DBNL: variants seen among roughly 807,000 people sequenced by gnomAD.
DBNL encodes the protein drebrin like.
DBNL carries 35 observed loss-of-function variants against 62.2 expected under a neutral mutation model. That is an observed-to-expected ratio of 0.56 (90% CI 0.43 to 0.75). The LOEUF (loss-of-function observed/expected upper bound fraction) is 0.75. Among genes scored for constraint, DBNL ranks in the 30% least tolerant of loss-of-function variants. The pLI is 0.00. For missense variants in DBNL, 495 were observed against 578.4 expected, an observed-to-expected ratio of 0.86 and a Z score of 1.48; for synonymous variants, 197 against 218.0, an observed-to-expected ratio of 0.90 and a Z score of 0.85.
At position 44,062,631 on chromosome 7, in the gene DBNL, A is replaced by T; in HGVS notation, c.*1715A>T. On this transcript the variant is annotated 3_prime_UTR_variant, in exon 13 of 13. Transcript: ENST00000448521. The stretch of plus-strand genomic sequence containing the variant: ...CCTGCCCCTGGTGACACACGTATGG[A>T]GTGGGGGAGGGTGGGTGGCTGCACC... The T allele has an allele frequency of 1.2e-6, 1 of 864,084 alleles. No homozygotes were observed. The highest frequency in any genetic ancestry group is 1.9e-6 in the Non-Finnish European group (1 of 537,134). The allele number at this position is 864,084 out of a possible 1,614,324, so 53.5% of individuals were successfully genotyped here.
rs1344814689 is a variant in DBNL, at chr7:44,059,096, G to T, written c.835+113G>T. On this transcript the variant is annotated intron_variant, in intron 9 of 12. Transcript: ENST00000448521. This position sits in a 1 kb window ranked among gnomAD's most constrained non-coding sequence, Gnocchi z 4.1. ...ACAGATATATCGGTGACGGGTGAGT[G>T]AGTGAGGAGAAGGGACACCTGGGGC... 3.3e-6 allele frequency: 4 copies of T among 1,196,924 alleles called. No homozygotes were observed. The highest frequency in any genetic ancestry group is 1.5e-5 in the African/African-American group (1 of 66,348). The allele number at this position is 1,196,924 out of a possible 1,614,324, so 74.1% of individuals were successfully genotyped here.
chr7:44,065,233 G>A lies in DBNL; in HGVS notation c.*4317G>A, dbSNP rs1586001974. ...CGTGCTTGGCGGCCGTTTCTGCCTT[G>A]TTGAGGCCTGTGAGGCCCCCGTAAT... On this transcript the variant is annotated 3_prime_UTR_variant, in exon 13 of 13. Coordinates refer to ENST00000448521, the MANE Select transcript of DBNL (RefSeq NM_001014436.3). The A allele has an allele frequency of 6.2e-7, 1 of 1,613,982 alleles. No homozygotes were observed. Among genetic ancestry groups the A allele is most frequent in the South Asian group, 1.1e-5 (1 of 91,086 alleles).
intron 1 of DBNL, among the ~76,000 whole-genome samples, chr7:44,048,243 G>A (rs2096120732): frequency 1.3e-5 from 2 of 152,242 alleles, no homozygotes; most frequent in South Asian, 2.1e-4. Flanking sequence ...GCTGGGTTGA[G>A]CTGCCATCTT....
In DBNL at chr7:44,068,686, C is replaced by T. The variant is rs1332581877; in HGVS notation, c.*7770C>T. Reference sequence around the variant, plus strand: ...AGACTTCAAAGCAGCTATTTATAACCAGCCTTCAGAAAGTATTGGTGAATA... The same window carrying T: ...AGACTTCAAAGCAGCTATTTATAACTAGCCTTCAGAAAGTATTGGTGAATA... On this transcript the variant is annotated 3_prime_UTR_variant, in exon 13 of 13. Transcript: ENST00000448521. 1 of 152,168 alleles carries T rather than the reference C, an allele frequency of 6.6e-6. No homozygotes were observed. The highest frequency in any genetic ancestry group is 1.5e-5 in the Non-Finnish European group (1 of 68,038). The allele number at this position is 152,168 out of a possible 1,614,324, so 9.4% of individuals were successfully genotyped here.
intron 1 of DBNL, chr7:44,049,766 C>T (rs1182646145): frequency 6.4e-6 from 1 of 156,720 alleles, no homozygotes; most frequent in Non-Finnish European, 1.4e-5. Flanking sequence ...GGGCAGCCTT[C>T]CAAGGGGCCC....
chr7:44,062,989 G>C lies in DBNL; in HGVS notation c.*2073G>C, dbSNP rs1471686177. ...CTGTCCCCAGCCTGTTTACACAGCAGACACTATGTGACCTTTATGGTCCAC... is the reference window on the plus strand; with the variant it reads ...CTGTCCCCAGCCTGTTTACACAGCACACACTATGTGACCTTTATGGTCCAC... On this transcript the variant is annotated 3_prime_UTR_variant, in exon 13 of 13. Coordinates refer to ENST00000448521, the MANE Select transcript of DBNL (RefSeq NM_001014436.3). 3.2e-6 allele frequency: 5 copies of C among 1,554,226 alleles called. No homozygotes were observed. Among genetic ancestry groups the C allele is most frequent in the Non-Finnish European group, 3.6e-6 (4 of 1,125,752 alleles).
rs989223667 is a variant in DBNL, at chr7:44,065,534, G to A, written c.*4618G>A. 34 of 1,613,504 alleles carry A rather than the reference G, an allele frequency of 2.1e-5. No homozygotes were observed. The highest frequency in any genetic ancestry group is 2.9e-5 in the Non-Finnish European group (34 of 1,179,916). ...CACGAGGCGGTGAGTGGCCATGGTG[G>A]CAGCAGGGACCACAGAGGACTCTGG... On this transcript the variant is annotated 3_prime_UTR_variant, in exon 13 of 13. Transcript: ENST00000448521.
rs1417327391 is a variant in DBNL at position 44,069,189 on chromosome 7, CTT to C, written c.*8275_*8276del. ...AGAGATTACTGGGGGCAATTCAAAA[CTT>C]TGGGAATGCAGGAAGAACATCATAA... On this transcript the variant is annotated 3_prime_UTR_variant, in exon 13 of 13. Transcript: ENST00000448521. 1 of 152,206 alleles carries C rather than the reference CTT, an allele frequency of 6.6e-6. No individual in the cohort carries two copies. The highest frequency in any genetic ancestry group is 1.5e-5 in the Non-Finnish European group (1 of 68,032). 9.4% of individuals were successfully genotyped at this position (152,206 alleles called of 1,614,324 possible). A position where few individuals can be genotyped will look rare whatever the true frequency, so the allele number is the denominator to read the frequency against.
In DBNL at chr7:44,065,224, T is replaced by A. The variant is rs1315042365; in HGVS notation, c.*4308T>A. 2 of 1,613,886 alleles carry A rather than the reference T, an allele frequency of 1.2e-6. No individual in the cohort carries two copies. The highest frequency in any genetic ancestry group is 2.7e-5 in the African/African-American group (2 of 74,952). Reference sequence around the variant, plus strand: ...GCTCCTCCCCGTGCTTGGCGGCCGTTTCTGCCTTGTTGAGGCCTGTGAGGC... The same window carrying A: ...GCTCCTCCCCGTGCTTGGCGGCCGTATCTGCCTTGTTGAGGCCTGTGAGGC... On this transcript the variant is annotated 3_prime_UTR_variant, in exon 13 of 13. Transcript: ENST00000448521.
intron 1 of DBNL, among the ~76,000 whole-genome samples, chr7:44,045,656 G>T (rs2096115995): frequency 6.6e-6 from 1 of 152,250 alleles, no homozygotes; most frequent in Non-Finnish European, 1.5e-5. Context: ...ACTGTGGTCA[G>T]CACTGAGGCC....
chr7:44,056,658 G>C, intron 4 of DBNL, 99 bp from the exon 5 acceptor site: 1 of 1,486,314 alleles, frequency 6.7e-7, no homozygotes, highest in Non-Finnish European at 9.1e-7. Context: ...TTCCAGTCCT[G>C]TGTGGTATAG....
rs527289410 is a variant in DBNL at position 44,062,194 on chromosome 7, C to T, written c.*1278C>T. 45 of 173,122 alleles carry T rather than the reference C, an allele frequency of 2.6e-4. No homozygotes were observed. Among genetic ancestry groups the T allele is most frequent in the Non-Finnish European group, 4.4e-4 (35 of 78,760 alleles). The allele number at this position is 173,122 out of a possible 1,614,324, so 10.7% of individuals were successfully genotyped here. A position where few individuals can be genotyped will look rare whatever the true frequency, so the allele number is the denominator to read the frequency against. On this transcript the variant is annotated 3_prime_UTR_variant, in exon 13 of 13. Coordinates refer to ENST00000448521, the MANE Select transcript of DBNL (RefSeq NM_001014436.3). The stretch of plus-strand genomic sequence containing the variant: ...CCTGTGCTCAGGCCTCTCCCCTTTT[C>T]GCCAGGGCTTCCTGGTGCCTCTCCC...
intron 1 of DBNL, among the ~76,000 whole-genome samples, chr7:44,049,052 A>G (rs1314891468): frequency 6.6e-6 from 1 of 151,916 alleles, no homozygotes; most frequent in Non-Finnish European, 1.5e-5. Context: ...ACAGGGTCCC[A>G]CCATGTTGCC....
Position 44,051,833 on chromosome 7 carries a change from G to GCTCTGTGC in DBNL, c.143_144insCTCTGTGC (p.Gly49SerfsTer17). 1 of 1,614,122 alleles carries GCTCTGTGC rather than the reference G, an allele frequency of 6.2e-7. No homozygotes were observed. The highest frequency in any genetic ancestry group is 8.5e-7 in the Non-Finnish European group (1 of 1,179,980). On this transcript the variant is annotated frameshift_variant, in exon 3 of 13. Transcript: ENST00000448521. LOFTEE classifies it high-confidence loss of function. ...CTTCACTGTGACTCTGCTGCAGAGG[G>GCTCTGTGC]TGGCCTGGAGGAGATGGTGGAGGAG...
At position 44,065,007 on chromosome 7, in the gene DBNL, ACGCT is replaced by A; in HGVS notation, c.*4093_*4096del. On this transcript the variant is annotated 3_prime_UTR_variant, in exon 13 of 13. Coordinates refer to ENST00000448521, the MANE Select transcript of DBNL (RefSeq NM_001014436.3). ...CCCCGGGCTTCAGGCCTGCGTACCGACGCTCCTGGGGGACACAGGCACGCTGCTT... is the reference window on the plus strand; with the variant it reads ...CCCCGGGCTTCAGGCCTGCGTACCGACCTGGGGGACACAGGCACGCTGCTT... 6.2e-7 allele frequency: 1 copy of A among 1,606,340 alleles called. No homozygotes were observed.
At position 44,065,283 on chromosome 7, in the gene DBNL, G is replaced by T; in HGVS notation, c.*4367G>T. Reference sequence around the variant, plus strand: ...TGCCGCTCATTGAGGCGCCAAGTGCGCACCACAGGCAGCCACATCTGGTCC... The same window carrying T: ...TGCCGCTCATTGAGGCGCCAAGTGCTCACCACAGGCAGCCACATCTGGTCC... On this transcript the variant is annotated 3_prime_UTR_variant, in exon 13 of 13. Transcript: ENST00000448521. The T allele has an allele frequency of 1.2e-6, 2 of 1,613,544 alleles. No individual in the cohort carries two copies. Among genetic ancestry groups the T allele is most frequent in the Non-Finnish European group, 1.7e-6 (2 of 1,180,036 alleles).
rs1028905584 is a variant in DBNL at position 44,050,133 on chromosome 7, C to G, written c.84-92C>G. On this transcript the variant is annotated intron_variant, in intron 1 of 12. Transcript: ENST00000448521. ...CACAGTGTTACTGTCAGCCCAAGCTCTTTGGGATGTAGTGGAAAGTCATGG... is the reference window on the plus strand; with the variant it reads ...CACAGTGTTACTGTCAGCCCAAGCTGTTTGGGATGTAGTGGAAAGTCATGG... 3 of 1,435,992 alleles carry G rather than the reference C, an allele frequency of 2.1e-6. No individual in the cohort carries two copies. The African/African-American group carries it at 4.2e-5, about 20-fold the overall frequency. 89.0% of individuals were successfully genotyped at this position (1,435,992 alleles called of 1,614,324 possible). A position where few individuals can be genotyped will look rare whatever the true frequency, so the allele number is the denominator to read the frequency against.
chr7:44,060,840 A>G lies in DBNL; in HGVS notation c.1217A>G (p.Glu406Gly). 6.2e-7 allele frequency: 1 copy of G among 1,613,782 alleles called. No individual in the cohort carries two copies. Among genetic ancestry groups the G allele is most frequent in the Non-Finnish European group, 8.5e-7 (1 of 1,179,952 alleles). Residue 406 changes from glutamate (E) to glycine (G), a missense_variant, in exon 13 of 13, where the codon GAA becomes GGA. By Grantham distance (98) the Glu-to-Gly change is moderately conservative (BLOSUM62 -2). Coordinates refer to ENST00000448521, the MANE Select transcript of DBNL (RefSeq NM_001014436.3). This position sits in a 1 kb window ranked among gnomAD's most constrained non-coding sequence, Gnocchi z 6.3. ...NLITGIEVID[E>G]GWWRGYGPDG... ...ATCACGGGCATCGAGGTGATCGACGAAGGCTGGTGGCGTGGCTATGGGCCG... is the reference window on the plus strand; with the variant it reads ...ATCACGGGCATCGAGGTGATCGACGGAGGCTGGTGGCGTGGCTATGGGCCG...
chr7:44,054,597 A>G (rs2096132694), intron 4 of DBNL, among the ~76,000 whole-genome samples: 1 of 152,256 alleles, frequency 6.6e-6, no homozygotes. Flanking sequence ...GGTAATTAGC[A>G]TGTTCATCAC....
Sources: allele counts gnomAD v4.1 joint callset (sites outside exome capture counted in the v4.1 genomes callset), GRCh38; gene constraint gnomAD v4.1.1; non-coding constraint Gnocchi (gnomAD v3.1); transcripts MANE v1.5; gene names NCBI Gene and HGNC (gene_info 2026-07-23, HGNC 2026-07-21).